Variants in PDCD7 observed in about 807,000 individuals in gnomAD.
PDCD7 encodes programmed cell death 7.
A neutral mutation model predicts 42.1 loss-of-function variants in PDCD7; 40 were observed. The ratio of observed to expected loss-of-function variants is 0.95; its 90% CI spans 0.74 to 1.24. The LOEUF is 1.24. Among genes scored for constraint, PDCD7 ranks in the 50% most tolerant of loss-of-function variants. PDCD7 has a pLI of 0.00. For missense variants in PDCD7, 644 were observed against 662.8 expected (o/e 0.97, Z 0.31); for synonymous variants, 299 against 303.3 (o/e 0.99, Z 0.15).
At chr15:65,125,489 C>T (rs2087488348) in intron 2 of PDCD7, among the ~76,000 whole-genome samples, 1 of 152,170 alleles carries the variant, frequency 6.6e-6, no homozygotes, top group Non-Finnish European at 1.5e-5. Context: ...CATTCTCTAA[C>T]CAACTGTAGT....
intron 2 of PDCD7, among the ~76,000 whole-genome samples, chr15:65,128,379 G>A (rs538437707): frequency 6.6e-6 from 1 of 152,206 alleles, no homozygotes; most frequent in African/African-American, 2.4e-5. Flanking sequence ...CCCTCCAGAT[G>A]AACAGAATGA....
At chr15:65,132,091 CAT>C (rs923512901) in intron 1 of PDCD7, among the ~76,000 whole-genome samples, 1 of 131,778 alleles carries the variant, frequency 7.6e-6, no homozygotes, top group Non-Finnish European at 1.6e-5. Context: ...TATACACATA[CAT>C]ATATGTATGT....
chr15:65,131,027 C>T (rs1191875133), intron 1 of PDCD7, among the ~76,000 whole-genome samples: 1 of 152,128 alleles, frequency 6.6e-6, no homozygotes, highest in Non-Finnish European at 1.5e-5. Flanking sequence ...CCCCAGGCCA[C>T]GGATGGTAAC....
At chr15:65,119,669 G>A in intron 3 of PDCD7, 49 bp downstream of exon 3, 1 of 1,559,412 alleles carries the variant, frequency 6.4e-7, no homozygotes, top group Non-Finnish European at 8.7e-7. Context: ...GATGAGAAGA[G>A]CGTCAATCTA....
chr15:65,127,413 C>T (rs1484145352), intron 2 of PDCD7, among the ~76,000 whole-genome samples: 6 of 149,324 alleles, frequency 4.0e-5, no homozygotes, highest in Admixed American at 2.0e-4. Flanking sequence ...GCCGAGATTG[C>T]GCCACTGCAG....
Position 65,133,194 on chromosome 15 carries a change from G to T in PDCD7, c.588C>A (p.Arg196=). 7.0e-7 allele frequency: 1 copy of T among 1,438,716 alleles called. No homozygotes were observed. The highest frequency in any genetic ancestry group is 9.0e-7 in the Non-Finnish European group (1 of 1,107,234). 89.1% of individuals were successfully genotyped at this position (1,438,716 alleles called of 1,614,324 possible). Reference sequence around the variant, plus strand: ...AGGCCGCGCCGTCGGCTTCGGCCTCGCGCAGGGCCTGGCTCAGGCCGCGCA... The same window carrying T: ...AGGCCGCGCCGTCGGCTTCGGCCTCTCGCAGGGCCTGGCTCAGGCCGCGCA... ...RRLRGLSQAL[R]EAEADGAAWV... Residue 196 remains arginine (R), a synonymous_variant, in exon 1 of 5, where the codon CGC becomes CGA. Transcript: ENST00000204549.
intron 2 of PDCD7, among the ~76,000 whole-genome samples, chr15:65,121,053 C>CTTTTTTTT (rs767625477): frequency 3.1e-5 from 4 of 130,144 alleles, no homozygotes; most frequent in Admixed American, 7.8e-5. Context: ...GACTTTCTTT[C>CTTTTTTTT]TTTTTTTTTT....
At chr15:65,124,872 A>G (rs1226137978) in intron 2 of PDCD7, among the ~76,000 whole-genome samples, 1 of 152,194 alleles carries the variant, frequency 6.6e-6, no homozygotes, top group Non-Finnish European at 1.5e-5. Flanking sequence ...TGTCAGCTAC[A>G]GTACTACTGG....
intron 2 of PDCD7, among the ~76,000 whole-genome samples, chr15:65,125,409 C>T (rs1160976479): frequency 6.6e-6 from 1 of 152,148 alleles, no homozygotes; most frequent in Non-Finnish European, 1.5e-5. Context: ...ACTGATGTTG[C>T]TCTTTCCTTT....
chr15:65,133,338 C>T lies in PDCD7; in HGVS notation c.444G>A (p.Glu148=). The T allele has an allele frequency of 1.6e-6, 2 of 1,267,002 alleles. No homozygotes were observed. The highest frequency in any genetic ancestry group is 2.0e-6 in the Non-Finnish European group (2 of 1,008,450). 78.5% of individuals were successfully genotyped at this position (1,267,002 alleles called of 1,614,324 possible). The change falls in exon 1 of 5, where the codon GAG becomes GAA. Residue 148 remains glutamate (E), a synonymous_variant. Coordinates refer to ENST00000204549, the MANE Select transcript of PDCD7 (RefSeq NM_005707.2). The part of the protein sequence containing the change: ...LQRLRDRQWL[E]AVFGTPRRAG... ...CCCGCCGCGGGGTCCCGAACACCGC[C>T]TCCAGCCACTGCCGGTCGCGCAGGC...
Sources: allele counts gnomAD v4.1 joint callset (sites outside exome capture counted in the v4.1 genomes callset), GRCh38; gene constraint gnomAD v4.1.1; transcripts MANE v1.5; gene names NCBI Gene and HGNC (gene_info 2026-07-23, HGNC 2026-07-21).